The following ZNF385D variants were observed in gnomAD, a reference collection of about 807,000 sequenced individuals.
ZNF385D encodes the protein zinc finger protein 659.
Under a neutral mutation model 35.8 loss-of-function variants are expected in ZNF385D, and 15 were observed. The observed-to-expected ratio is 0.42, with a 90% CI of 0.28 to 0.64. The LOEUF (loss-of-function observed/expected upper bound fraction) is 0.64. Among genes scored for constraint, ZNF385D ranks in the 30% least tolerant of loss-of-function variants. ZNF385D has a pLI of 0.23. For synonymous variants in ZNF385D, 212 were observed against 186.8 expected, an observed-to-expected ratio of 1.13 and a Z score of -1.10; for missense variants, 474 against 494.6, an observed-to-expected ratio of 0.96 and a Z score of 0.39.
chr3:22,238,613 T>C (rs1036211838), intron 2 of ZNF385D, among the ~76,000 whole-genome samples: 1 of 151,178 alleles, frequency 6.6e-6, no homozygotes, highest in Non-Finnish European at 1.5e-5. Context: ...AGAAATACAG[T>C]TGATTTTTAT....
rs368555930 is a variant in ZNF385D at position 21,608,012 on chromosome 3, C to CTTTTTTT, written c.166-43335_166-43329dup. On this transcript the variant is annotated intron_variant, in intron 2 of 7. Coordinates refer to ENST00000281523, the MANE Select transcript of ZNF385D (RefSeq NM_024697.3). Reference sequence around the variant, plus strand: ...ATGAAAAGATGTAATTCTTTTTCTTCTTTTTTTTTTGTTTTTTTTTTTTGA... The same window carrying CTTTTTTT: ...ATGAAAAGATGTAATTCTTTTTCTTCTTTTTTTTTTTTTTTTTGTTTTTTTTTTTTGA... Among the ~76,000 whole-genome samples, 22 of 123,960 alleles carry CTTTTTTT rather than the reference C, an allele frequency of 1.8e-4. 1 individual carries two copies. Among genetic ancestry groups the CTTTTTTT allele is most frequent in the African/African-American group, 6.9e-4 (22 of 31,994 alleles). The allele number at this position is 123,960 out of a possible 152,430, so 81.3% of individuals were successfully genotyped here.
At chr3:21,976,560 T>C (rs949868456) in intron 3 of ZNF385D, among the ~76,000 whole-genome samples, 7 of 152,176 alleles carry the variant, frequency 4.6e-5, no homozygotes, top group African/African-American at 1.4e-4. Flanking sequence ...AGGAGACATA[T>C]GTAACAGATA....
At chr3:22,364,432 G>T (rs965956708) in intron 2 of ZNF385D, among the ~76,000 whole-genome samples, 2 of 151,912 alleles carry the variant, frequency 1.3e-5, no homozygotes, top group Admixed American at 1.3e-4. Context: ...ATTAAAAATG[G>T]GCAAAGGACT....
chr3:21,904,488 C>T (rs1699575144), intron 3 of ZNF385D, among the ~76,000 whole-genome samples: 2 of 152,008 alleles, frequency 1.3e-5, no homozygotes, highest in African/African-American at 2.4e-5. Flanking sequence ...TAATATCATA[C>T]ATACTGAGAT....
intron 2 of ZNF385D, among the ~76,000 whole-genome samples, chr3:21,613,785 C>G (rs572821694): frequency 2.1e-4 from 32 of 152,344 alleles, no homozygotes; most frequent in African/African-American, 7.7e-4. Context: ...AACAGACACT[C>G]TTAATCCACA....
chr3:21,868,105 A>AT (rs1459771300), intron 3 of ZNF385D, among the ~76,000 whole-genome samples: 2 of 152,164 alleles, frequency 1.3e-5, no homozygotes, highest in East Asian at 1.9e-4. Context: ...ATGTACAAGC[A>AT]TTTTTTCATT....
chr3:21,733,294 A>G (rs2069100148), intron 1 of ZNF385D, among the ~76,000 whole-genome samples: 1 of 152,124 alleles, frequency 6.6e-6, no homozygotes, highest in Non-Finnish European at 1.5e-5. Flanking sequence ...GTAGCTTTAT[A>G]GTAAGCTCTG....
intron 3 of ZNF385D, among the ~76,000 whole-genome samples, chr3:22,118,669 T>C (rs1702932756): frequency 6.6e-6 from 1 of 152,086 alleles, no homozygotes; most frequent in Admixed American, 6.6e-5. Flanking sequence ...AGCCTCTCGA[T>C]GGTTAAGACA....
chr3:21,969,954 T>G (rs1450841443), intron 3 of ZNF385D, among the ~76,000 whole-genome samples: 1 of 152,116 alleles, frequency 6.6e-6, no homozygotes, highest in Non-Finnish European at 1.5e-5. Flanking sequence ...ACCCAAGACC[T>G]CCAATCCAGT....
chr3:22,066,275 G>A (rs1699943741), intron 3 of ZNF385D, among the ~76,000 whole-genome samples: 1 of 151,790 alleles, frequency 6.6e-6, no homozygotes, highest in South Asian at 2.1e-4. Context: ...ATGAAGGAAA[G>A]GGGAAAACAA....
At chr3:21,512,554 C>T (rs1169708379) in intron 3 of ZNF385D, among the ~76,000 whole-genome samples, 3 of 152,070 alleles carry the variant, frequency 2.0e-5, no homozygotes, top group Non-Finnish European at 2.9e-5. Context: ...GACTAGGTAC[C>T]CTTATTGAAA....
At chr3:22,327,676 C>G (rs905524752) in intron 2 of ZNF385D, among the ~76,000 whole-genome samples, 1 of 152,114 alleles carries the variant, frequency 6.6e-6, no homozygotes, top group Non-Finnish European at 1.5e-5. Context: ...TTTTGCACTC[C>G]CAGTGGAAGA....
chr3:21,679,479 G>C (rs781666561), intron 1 of ZNF385D, among the ~76,000 whole-genome samples: 1 of 152,004 alleles, frequency 6.6e-6, no homozygotes, highest in Non-Finnish European at 1.5e-5. Context: ...TGGTGTCTAA[G>C]AAAGAGTTTT....
intron 3 of ZNF385D, among the ~76,000 whole-genome samples, chr3:22,130,081 T>C (rs1038492452): frequency 6.6e-6 from 1 of 152,104 alleles, no homozygotes; most frequent in Non-Finnish European, 1.5e-5. Context: ...TTGGAATCCT[T>C]TGTGGCCCTG....
At chr3:21,553,877 T>G (rs907662430) in intron 3 of ZNF385D, among the ~76,000 whole-genome samples, 8 of 152,158 alleles carry the variant, frequency 5.3e-5, no homozygotes, top group African/African-American at 1.7e-4. Flanking sequence ...TATCTGAGAT[T>G]TCATCAATTC....
chr3:21,532,816 A>G (rs2061955671), intron 3 of ZNF385D, among the ~76,000 whole-genome samples: 1 of 152,114 alleles, frequency 6.6e-6, no homozygotes, highest in East Asian at 1.9e-4. Flanking sequence ...GCCAAATGCT[A>G]TTCTAGGTAC....
chr3:22,179,626 G>A (rs950911308), intron 2 of ZNF385D, among the ~76,000 whole-genome samples: 13 of 152,118 alleles, frequency 8.5e-5, no homozygotes, highest in Non-Finnish European at 1.5e-4. Flanking sequence ...ATACTATGTT[G>A]AACAGAAGTG....
intron 3 of ZNF385D, among the ~76,000 whole-genome samples, chr3:21,975,792 A>G (rs1424525051): frequency 6.8e-6 from 1 of 147,794 alleles, no homozygotes; most frequent in Non-Finnish European, 1.5e-5. Flanking sequence ...TATATCTACT[A>G]TGTAACTACT....
chr3:22,361,292 T>C lies in ZNF385D; in HGVS notation c.106+11158A>G, dbSNP rs146544960. 7.2e-3 allele frequency among the ~76,000 whole-genome samples: 1,099 copies of C among 152,154 alleles called. 21 individuals are homozygous for C. Among genetic ancestry groups the C allele is most frequent in the African/African-American group, 0.025 (1,026 of 41,556 alleles). On this transcript the variant is annotated intron_variant, in intron 2 of 5. Coordinates refer to the ZNF385D transcript ENST00000494108. ...GACTGGAAACTTTCAAACTTGGGCATGGAAAGCAAGCAATTTGCTGTAATC... is the reference window on the plus strand; with the variant it reads ...GACTGGAAACTTTCAAACTTGGGCACGGAAAGCAAGCAATTTGCTGTAATC...
Sources: allele counts gnomAD v4.1 joint callset (sites outside exome capture counted in the v4.1 genomes callset), GRCh38; gene constraint gnomAD v4.1.1; transcripts MANE v1.5; gene names NCBI Gene and HGNC (gene_info 2026-07-23, HGNC 2026-07-21).